Variants in PRLR observed in about 807,000 individuals in gnomAD.
The protein encoded by PRLR is prolactin receptor.
A neutral mutation model predicts 40.2 loss-of-function variants in PRLR; 13 were observed. The observed-to-expected ratio is 0.32, with a 90% CI of 0.21 to 0.51. PRLR has a LOEUF of 0.51. Ranked by LOEUF, PRLR falls within the 20% of genes least tolerant of loss-of-function variation. PRLR has a pLI of 0.97. For synonymous variants in PRLR, 269 were observed against 278.7 expected (o/e 0.97, Z 0.35); for missense variants, 656 against 747.3 (o/e 0.88, Z 1.42).
chr5:35,091,553 G>C (rs957415465), intron 2 of PRLR, among the ~76,000 whole-genome samples: 3 of 152,210 alleles, frequency 2.0e-5, no homozygotes, highest in African/African-American at 7.2e-5. Flanking sequence ...GAGCCACTGA[G>C]AGATCATCCT....
chr5:35,097,434 T>C (rs1028469148), intron 2 of PRLR, among the ~76,000 whole-genome samples: 3 of 152,048 alleles, frequency 2.0e-5, no homozygotes, highest in African/African-American at 7.2e-5. Context: ...TTGTCCAAGG[T>C]CACACAGCTA....
At chr5:35,088,733 C>A (rs940702644) in intron 3 of PRLR, among the ~76,000 whole-genome samples, 1 of 152,164 alleles carries the variant, frequency 6.6e-6, no homozygotes, top group East Asian at 1.9e-4. Context: ...TATGTAGATG[C>A]CCACACAGAG....
chr5:35,090,791 CTTTTTTTTTTTTTTTTTTTTTT>C (rs554800498), intron 2 of PRLR, among the ~76,000 whole-genome samples: 76 of 59,154 alleles, frequency 1.3e-3, no homozygotes, highest in East Asian at 4.4e-3. Context: ...TCAATTAGCT[CTTTTTTTTTTTTTTTTTTTTTT>C]TTTTTTTTTT....
At chr5:35,068,693 A>G in intron 8 of PRLR, 86 bp downstream of exon 8, 1 of 1,056,274 alleles carries the variant, frequency 9.5e-7, no homozygotes, top group South Asian at 1.4e-5. Context: ...GATTATCTAC[A>G]GGTTTCCATC....
At chr5:35,132,424 C>T (rs1773719142) in intron 1 of PRLR, among the ~76,000 whole-genome samples, 1 of 152,028 alleles carries the variant, frequency 6.6e-6, no homozygotes, top group East Asian at 1.9e-4. Flanking sequence ...TAAAAAAATC[C>T]CAGACATCAT....
intron 1 of PRLR, among the ~76,000 whole-genome samples, chr5:35,211,002 T>G (rs1776155009): frequency 6.6e-6 from 1 of 152,200 alleles, no homozygotes; most frequent in Non-Finnish European, 1.5e-5. Context: ...CATGAGCCAC[T>G]GCGCTCATCC....
Position 35,207,614 on chromosome 5 carries a change from T to TTGTGTGTGTGTG in PRLR, c.-106+22642_-106+22653dup, listed in dbSNP as rs142502829. Among the ~76,000 whole-genome samples, 150 of 146,958 alleles carry TTGTGTGTGTGTG rather than the reference T, an allele frequency of 1.0e-3. 1 individual carries two copies. The highest frequency in any genetic ancestry group is 2.6e-3 in the African/African-American group (106 of 40,106). ...TCCCAATCAAATTACCAATGGGAGATTGTGTGTGTGTGTGTGTGTGTGTGT... is the reference window on the plus strand; with the variant it reads ...TCCCAATCAAATTACCAATGGGAGATTGTGTGTGTGTGTGTGTGTGTGTGTGTGTGTGTGTGT... On this transcript the variant is annotated intron_variant, in intron 1 of 9. Transcript: ENST00000618457.
At chr5:35,132,813 T>C (rs1773729330) in intron 1 of PRLR, among the ~76,000 whole-genome samples, 1 of 152,216 alleles carries the variant, frequency 6.6e-6, no homozygotes, top group Non-Finnish European at 1.5e-5. Context: ...CACCCTGTGA[T>C]GGCTAATTTT....
intron 2 of PRLR, among the ~76,000 whole-genome samples, chr5:35,103,168 T>C (rs1772006103): frequency 6.6e-6 from 1 of 152,210 alleles, no homozygotes; most frequent in Non-Finnish European, 1.5e-5. Flanking sequence ...TCCAGATAGT[T>C]AAGGTTGCTG....
At chr5:35,153,347 GC>G (rs1364515144) in intron 1 of PRLR, among the ~76,000 whole-genome samples, 1 of 151,976 alleles carries the variant, frequency 6.6e-6, no homozygotes, top group African/African-American at 2.4e-5. Flanking sequence ...TTCTCATGTT[GC>G]CCCCCAGGCC....
chr5:35,140,731 A>G (rs1773999027), intron 1 of PRLR, among the ~76,000 whole-genome samples: 1 of 152,210 alleles, frequency 6.6e-6, no homozygotes, highest in Non-Finnish European at 1.5e-5. Flanking sequence ...GCTGGCTATA[A>G]CATGCTGGCC....
intron 5 of PRLR, among the ~76,000 whole-genome samples, chr5:35,077,209 T>G (rs891475978): frequency 4.6e-5 from 7 of 152,158 alleles, no homozygotes; most frequent in African/African-American, 1.7e-4. Context: ...TAATCTTAAA[T>G]GTAAATGGGC....
intron 1 of PRLR, among the ~76,000 whole-genome samples, chr5:35,184,665 C>T (rs1265713887): frequency 6.6e-6 from 1 of 152,224 alleles, no homozygotes; most frequent in Non-Finnish European, 1.5e-5. Flanking sequence ...GTAAGGTCAA[C>T]TCTGCCTGTT....
intron 2 of PRLR, among the ~76,000 whole-genome samples, chr5:35,112,410 G>A (rs1288593051): frequency 6.6e-6 from 1 of 152,112 alleles, no homozygotes; most frequent in Non-Finnish European, 1.5e-5. Context: ...CTGGGTGCTT[G>A]TTTTACTCTG....
At chr5:35,161,464 C>G (rs1774671755) in intron 1 of PRLR, among the ~76,000 whole-genome samples, 1 of 152,182 alleles carries the variant, frequency 6.6e-6, no homozygotes, top group African/African-American at 2.4e-5. Context: ...AAGAATACAG[C>G]ATTGTTGTTT....
chr5:35,171,873 T>C (rs1349014913), intron 1 of PRLR, among the ~76,000 whole-genome samples: 2 of 152,210 alleles, frequency 1.3e-5, no homozygotes, highest in African/African-American at 2.4e-5. Context: ...AAAGAACCTT[T>C]ACTTTTTGAA....
In PRLR at chr5:35,086,350, G is replaced by T; in HGVS notation, c.71-10C>A. On this transcript the variant is annotated splice_polypyrimidine_tract_variant and intron_variant, in intron 3 of 9. Transcript: ENST00000618457. The stretch of plus-strand genomic sequence containing the variant: ...CCAGGAGGTAACTGTCCTAGAAAAA[G>T]CCAGAAGCCACTGCATCAATATTGA... The T allele has an allele frequency of 1.2e-6, 2 of 1,612,600 alleles. No homozygotes were observed. The highest frequency in any genetic ancestry group is 1.7e-6 in the Non-Finnish European group (2 of 1,179,490).
chr5:35,171,758 C>T (rs538420730), intron 1 of PRLR, among the ~76,000 whole-genome samples: 7 of 152,186 alleles, frequency 4.6e-5, no homozygotes, highest in South Asian at 2.1e-4. Context: ...ACATGGAAGA[C>T]GTGAGTCTGG....
intron 1 of PRLR, among the ~76,000 whole-genome samples, chr5:35,124,786 C>T (rs997464502): frequency 1.1e-4 from 16 of 152,128 alleles, no homozygotes; most frequent in Admixed American, 1.0e-3. Flanking sequence ...CTAGGCCCAC[C>T]AGTCAATAGA....
Sources: gnomAD v4.1 joint callset for allele counts (sites outside exome capture counted in the v4.1 genomes callset) on GRCh38, gnomAD v4.1.1 for gene constraint, MANE v1.5 for transcripts, NCBI Gene and HGNC (gene_info 2026-07-23, HGNC 2026-07-21) for gene names.